Variants in GNAS observed in about 807,000 individuals in gnomAD.
The protein encoded by GNAS is GNAS complex locus.
In GNAS, 8 loss-of-function variants were observed where a neutral mutation model predicts 54.5. That is an observed-to-expected ratio of 0.15 (90% CI 0.09 to 0.26). The LOEUF is 0.26. GNAS is among the 10% of genes least tolerant of loss of function. The pLI is 1.00. For missense variants in GNAS, 170 were observed against 529.8 expected, an observed-to-expected ratio of 0.32 and a Z score of 6.67; for synonymous variants, 204 against 191.4, an observed-to-expected ratio of 1.07 and a Z score of -0.54.
At chr20:58,903,308 A>G (rs1018143639) in intron 3 of GNAS, 67 of 631,898 alleles carry the variant, frequency 1.1e-4, no homozygotes, top group East Asian at 1.0e-3. Context: ...TGCTAAGGCA[A>G]TTTGCTAATC....
chr20:58,841,784 G>A lies in GNAS; in HGVS notation c.43+898G>A. ...TGCCAAGCTTTTGGCGCAGCTGGTC[G>A]GGTGGCCAGGCTGCATGCGGCTTAG... On this transcript the variant is annotated intron_variant, in intron 1 of 12. Coordinates refer to the GNAS transcript ENST00000306090. This position sits in a 1 kb window ranked among gnomAD's most constrained non-coding sequence, Gnocchi z 5.0. The A allele has an allele frequency of 8.1e-7, 1 of 1,230,506 alleles. No individual in the cohort carries two copies. Among genetic ancestry groups the A allele is most frequent in the Non-Finnish European group, 1.0e-6 (1 of 987,708 alleles). The allele number at this position is 1,230,506 out of a possible 1,614,324, so 76.2% of individuals were successfully genotyped here.
At chr20:58,840,079 G>C, upstream of GNAS, 1 of 1,608,236 alleles carries the variant, frequency 6.2e-7, no homozygotes, top group Non-Finnish European at 8.5e-7. The surrounding 1 kb of genome is among the most constrained non-coding windows in gnomAD (Gnocchi z 6.0). Flanking sequence ...CAGAGGGCAG[G>C]CCGGCTTCTC....
At position 58,895,673 on chromosome 20, in the gene GNAS, G is replaced by C. The variant is rs375763287; in HGVS notation, c.201G>C (p.Gly67=). The change falls in exon 2 of 13, where the codon GGG becomes GGC. Residue 67 remains glycine, a synonymous_variant. Coordinates refer to ENST00000371085, the MANE Select transcript of GNAS (RefSeq NM_000516.7). The part of the protein sequence containing the change: ...VKQMRILHVN[G]FNGEGGEEDP... ...AGATGAGGATCCTGCATGTTAATGG[G>C]TTTAATGGAGAGTAAGTGTCAAATC... The C allele has an allele frequency of 6.3e-6, 10 of 1,575,092 alleles. No individual in the cohort carries two copies. In the South Asian group the frequency reaches 7.7e-5, roughly 12 times the overall value.
chr20:58,903,542 C>T lies in GNAS; in HGVS notation c.269C>T (p.Thr90Ile). The change falls in exon 4 of 13, where the codon ACC becomes ATC. Residue 90 changes from threonine (T) to isoleucine (I), a missense_variant. By Grantham distance (89) the Thr-to-Ile change is moderately conservative. Coordinates refer to ENST00000371085, the MANE Select transcript of GNAS (RefSeq NM_000516.7). Reference sequence around the variant, plus strand: ...CAATCCCACTGCAGTGAGAAGGCAACCAAAGTGCAGGACATCAAAAACAAC... The same window carrying T: ...CAATCCCACTGCAGTGAGAAGGCAATCAAAGTGCAGGACATCAAAAACAAC... ...ARSNSDGEKA[T>I]KVQDIKNNLK... The T allele has an allele frequency of 6.2e-7, 1 of 1,613,914 alleles. No homozygotes were observed. The highest frequency in any genetic ancestry group is 8.5e-7 in the Non-Finnish European group (1 of 1,179,828).
At chr20:58,904,373 T>C (rs1555889399) in intron 5 of GNAS, among the ~76,000 whole-genome samples, 1 of 152,206 alleles carries the variant, frequency 6.6e-6, no homozygotes. Flanking sequence ...AAATGAAATA[T>C]ATCTAAATCA....
intron 3 of GNAS, among the ~76,000 whole-genome samples, chr20:58,901,362 A>G (rs1316223460): frequency 6.6e-6 from 1 of 152,224 alleles, no homozygotes; most frequent in Non-Finnish European, 1.5e-5. Context: ...AGACAGTCGC[A>G]CAGAGCGGTC....
chr20:58,858,134 TACTC>T (rs2086593666), intron 1 of GNAS, among the ~76,000 whole-genome samples: 1 of 152,208 alleles, frequency 6.6e-6, no homozygotes, highest in Non-Finnish European at 1.5e-5. Context: ...GATGAGGACT[TACTC>T]ACATGTAGGA....
chr20:58,869,016 T>C (rs936719345), intron 1 of GNAS, among the ~76,000 whole-genome samples: 4 of 152,122 alleles, frequency 2.6e-5, no homozygotes, highest in African/African-American at 9.7e-5. Flanking sequence ...CCCCTGCCCC[T>C]AAGGCTGAGG....
At chr20:58,865,492 TATATC>T (rs1278755548) in intron 1 of GNAS, among the ~76,000 whole-genome samples, 3 of 147,994 alleles carry the variant, frequency 2.0e-5, no homozygotes, top group Non-Finnish European at 3.0e-5. Context: ...TATAATATGA[TATATC>T]ATATAATATA....
In GNAS at chr20:58,884,192, T is replaced by C. The variant is rs548431235; in HGVS notation, c.44-11420T>C. Among the ~76,000 whole-genome samples, 6 of 152,350 alleles carry C rather than the reference T, an allele frequency of 3.9e-5. No individual in the cohort carries two copies. The East Asian group carries it at 9.6e-4, about 24-fold the overall frequency. On this transcript the variant is annotated intron_variant, in intron 1 of 12. Transcript: ENST00000306090. ...TGATCACCTACATTTGGTTGGCAGG[T>C]AGATAAAATCTGAAGATGTAAAACT... is the stretch of plus-strand genomic sequence containing the variant.
At chr20:58,896,677 G>C (rs1400279717) in intron 2 of GNAS, among the ~76,000 whole-genome samples, 1 of 151,696 alleles carries the variant, frequency 6.6e-6, no homozygotes, top group Non-Finnish European at 1.5e-5. Context: ...TGACCAGTCT[G>C]TTTTCACTGG....
At chr20:58,907,191 T>C (rs1373147946) in intron 6 of GNAS, among the ~76,000 whole-genome samples, 4 of 152,194 alleles carry the variant, frequency 2.6e-5, no homozygotes, top group African/African-American at 9.7e-5. Flanking sequence ...GCGCAATCTA[T>C]CAACCCCAGC....
In GNAS at chr20:58,841,219, T is replaced by A; in HGVS notation, c.43+333T>A. The stretch of plus-strand genomic sequence containing the variant: ...TTTGGAGCTGCACACCCAAACGGCA[T>A]TGGTAAGTCACTTGTTTTGCGCGCT... On this transcript the variant is annotated intron_variant, in intron 1 of 12. Coordinates refer to the GNAS transcript ENST00000306090. This position sits in a 1 kb window ranked among gnomAD's most constrained non-coding sequence, Gnocchi z 5.0. 1.4e-6 allele frequency: 1 copy of A among 700,490 alleles called. No individual in the cohort carries two copies. The highest frequency in any genetic ancestry group is 1.9e-6 in the Non-Finnish European group (1 of 517,486). 43.4% of individuals were successfully genotyped at this position (700,490 alleles called of 1,614,324 possible).
At chr20:58,890,302 GCGCCGTCGGGGGCGCCGAGGAGGGCGC>G (rs2089051965), upstream of GNAS, among the ~76,000 whole-genome samples, 1 of 147,724 alleles carries the variant, frequency 6.8e-6, no homozygotes, top group Admixed American at 6.7e-5. Flanking sequence ...GCCGAGGAGG[GCGCCGTCGGGGGCGCCGAGGAGGGCGC>G]CGCCGCCGGG....
At chr20:58,901,500 G>A (rs781366603) in intron 3 of GNAS, among the ~76,000 whole-genome samples, 5 of 152,044 alleles carry the variant, frequency 3.3e-5, no homozygotes, top group African/African-American at 7.2e-5. Flanking sequence ...GAGATTCTCC[G>A]GACCTGCAGC....
chr20:58,840,895 C>A lies in GNAS; in HGVS notation c.43+9C>A. The A allele has an allele frequency of 6.2e-7, 1 of 1,612,080 alleles. No individual in the cohort carries two copies. Among genetic ancestry groups the A allele is most frequent in the Non-Finnish European group, 8.5e-7 (1 of 1,179,586 alleles). The stretch of plus-strand genomic sequence containing the variant: ...TGTTTTCATGGATTCAGGTTAGTTG[C>A]CCACCGCTAAACTGGGGAGCCTGAG... On this transcript the variant is annotated intron_variant, in intron 1 of 12. Transcript: ENST00000306090. The surrounding 1 kb of genome is among the most constrained non-coding windows in gnomAD (Gnocchi z 6.0).
chr20:58,890,531 C>G (rs1016846577), upstream of GNAS: 1 of 152,286 alleles, frequency 6.6e-6, no homozygotes, highest in Non-Finnish European at 1.5e-5. Context: ...TGCTCAACTT[C>G]CTGCTGCAGA....
At chr20:58,889,003 C>T (rs2088821412), upstream of GNAS, 20 of 946,354 alleles carry the variant, frequency 2.1e-5, no homozygotes, top group Non-Finnish European at 2.5e-5. Flanking sequence ...CCGCGCGGTC[C>T]CGGCACCGGC....
upstream of GNAS, among the ~76,000 whole-genome samples, chr20:58,887,349 A>T (rs1321127864): frequency 6.6e-6 from 1 of 152,234 alleles, no homozygotes; most frequent in Non-Finnish European, 1.5e-5. Context: ...AACAATTTTT[A>T]AAAATGACAA....
Sources: gnomAD v4.1 joint callset for allele counts (sites outside exome capture counted in the v4.1 genomes callset) on GRCh38, gnomAD v4.1.1 for gene constraint, Gnocchi (gnomAD v3.1) non-coding constraint, MANE v1.5 for transcripts, NCBI Gene and HGNC (gene_info 2026-07-23, HGNC 2026-07-21) for gene names.